The following ANK3 variants were observed in gnomAD, a reference collection of about 807,000 sequenced individuals.
ANK3 encodes ankyrin 3.
In ANK3, 57 loss-of-function variants were observed where a neutral mutation model predicts 370.9. The observed-to-expected ratio is 0.15, with a 90% confidence interval of 0.12 to 0.19. The LOEUF is 0.19. Ranked by LOEUF, ANK3 falls within the 10% of genes least tolerant of loss-of-function variation. The pLI is 1.00. For synonymous variants in ANK3, 1,929 were observed against 1,946.3 expected, an observed-to-expected ratio of 0.99 and a Z score of 0.23; for missense variants, 4,439 against 5,302.1, an observed-to-expected ratio of 0.84 and a Z score of 5.06.
intron 2 of ANK3, among the ~76,000 whole-genome samples, chr10:60,545,410 C>T (rs1224894250): frequency 6.8e-6 from 1 of 146,904 alleles, no homozygotes; most frequent in Admixed American, 6.9e-5. Context: ...AAGGTACTTC[C>T]AGAATTGAAA....
At chr10:60,356,773 A>G (rs368370505) in intron 1 of ANK3, among the ~76,000 whole-genome samples, 2 of 152,048 alleles carry the variant, frequency 1.3e-5, no homozygotes, top group South Asian at 2.1e-4. Flanking sequence ...CAGTGGTGCA[A>G]ACTCAGCTCA....
At chr10:60,129,158 ACC>A in intron 25 of ANK3, among the ~76,000 whole-genome samples, 1 of 152,236 alleles carries the variant, frequency 6.6e-6, no homozygotes, top group African/African-American at 2.4e-5. Context: ...ATGTTGACAT[ACC>A]AATACACACC....
chr10:60,122,427 C>A (rs2093535781), intron 25 of ANK3, among the ~76,000 whole-genome samples: 1 of 152,224 alleles, frequency 6.6e-6, no homozygotes, highest in Non-Finnish European at 1.5e-5. Context: ...TTAGCAGGCC[C>A]ACGTGGCTCA....
chr10:60,106,404 T>G (rs1258243602), intron 27 of ANK3, among the ~76,000 whole-genome samples: 1 of 152,084 alleles, frequency 6.6e-6, no homozygotes, highest in Non-Finnish European at 1.5e-5. Context: ...AAAGACACAA[T>G]AGGTATATTA....
chr10:60,487,783 C>T (rs996956427), intron 2 of ANK3, among the ~76,000 whole-genome samples: 6 of 151,232 alleles, frequency 4.0e-5, no homozygotes, highest in South Asian at 2.1e-4. Flanking sequence ...AGCGCGATCT[C>T]GGCTCACCAC....
chr10:60,697,968 G>A (rs1356483591), intron 1 of ANK3, among the ~76,000 whole-genome samples: 17 of 151,842 alleles, frequency 1.1e-4, no homozygotes, highest in East Asian at 5.8e-4. Flanking sequence ...TGAACAGGCA[G>A]CCTACAAAAT....
At chr10:60,435,627 C>T (rs990235513) in intron 2 of ANK3, among the ~76,000 whole-genome samples, 1 of 152,162 alleles carries the variant, frequency 6.6e-6, no homozygotes. Context: ...CAAAAACACA[C>T]GGACCCAAAA....
chr10:60,409,586 T>C (rs1233217017), intron 2 of ANK3, among the ~76,000 whole-genome samples: 2 of 152,282 alleles, frequency 1.3e-5, no homozygotes, highest in African/African-American at 4.8e-5. Flanking sequence ...GGGCTCCTTC[T>C]GTTTCTGATG....
chr10:60,429,208 T>A (rs1226091666), intron 2 of ANK3, among the ~76,000 whole-genome samples: 1 of 152,214 alleles, frequency 6.6e-6, no homozygotes, highest in Non-Finnish European at 1.5e-5. Flanking sequence ...CAGATCCAAC[T>A]ATTTGACAAT....
chr10:60,445,727 G>T (rs1480108344), intron 2 of ANK3, among the ~76,000 whole-genome samples: 3 of 152,126 alleles, frequency 2.0e-5, no homozygotes, highest in African/African-American at 7.2e-5. Flanking sequence ...CATAAACAGT[G>T]CACCACAGTT....
At chr10:60,255,770 T>C (rs897082339) in intron 7 of ANK3, among the ~76,000 whole-genome samples, 1 of 152,228 alleles carries the variant, frequency 6.6e-6, no homozygotes, top group African/African-American at 2.4e-5. Context: ...CACTAGCTAT[T>C]GAGCACTTAA....
chr10:60,403,587 T>G (rs1205526378), intron 2 of ANK3, among the ~76,000 whole-genome samples: 6 of 152,216 alleles, frequency 3.9e-5, no homozygotes, highest in Non-Finnish European at 7.3e-5. Context: ...AATTTTTATT[T>G]ATTTATTCAT....
At chr10:60,571,708 A>G (rs958383350) in intron 2 of ANK3, among the ~76,000 whole-genome samples, 11 of 152,228 alleles carry the variant, frequency 7.2e-5, no homozygotes, top group African/African-American at 2.4e-4. Flanking sequence ...ATAAATCACA[A>G]TGGATCAAAA....
chr10:60,154,744 G>A (rs2095273610), intron 23 of ANK3, among the ~76,000 whole-genome samples: 1 of 152,138 alleles, frequency 6.6e-6, no homozygotes, highest in Non-Finnish European at 1.5e-5. Context: ...ACAGTGAGCC[G>A]AGATCATGCC....
At position 60,074,140 on chromosome 10, in the gene ANK3, G is replaced by A. The variant is rs2083310915; in HGVS notation, c.6741C>T (p.Thr2247=). The A allele has an allele frequency of 6.8e-6, 11 of 1,613,830 alleles. No individual in the cohort carries two copies. Among genetic ancestry groups the A allele is most frequent in the Non-Finnish European group, 9.3e-6 (11 of 1,179,936 alleles). ...AATGATAAACCATTCTGGTGGTTGT[G>A]GTTATGTGAGTCTCTTCTTTAACAC... is the stretch of plus-strand genomic sequence containing the variant. ...GMRVKEETHI[T]TTTRMVYHSP... The change falls in exon 37 of 44, where the codon ACC becomes ACT. Residue 2247 remains threonine, a synonymous_variant. Transcript: ENST00000280772.
chr10:60,092,871 G>T (rs1311582914), intron 28 of ANK3, among the ~76,000 whole-genome samples: 2 of 152,196 alleles, frequency 1.3e-5, no homozygotes, highest in African/African-American at 4.8e-5. Flanking sequence ...AAGTAGCTGT[G>T]ATTACAGGCG....
intron 2 of ANK3, among the ~76,000 whole-genome samples, chr10:60,403,234 CA>C (rs2132908295): frequency 6.6e-6 from 1 of 152,238 alleles, no homozygotes; most frequent in Admixed American, 6.5e-5. Context: ...GAAAATTCCA[CA>C]CCTATATGGT....
At chr10:60,287,086 G>A (rs549181518) in intron 1 of ANK3, among the ~76,000 whole-genome samples, 5 of 152,222 alleles carry the variant, frequency 3.3e-5, no homozygotes, top group African/African-American at 1.2e-4. Flanking sequence ...ACCATTTGGA[G>A]CCCAGGTTAA....
intron 1 of ANK3, among the ~76,000 whole-genome samples, chr10:60,326,782 G>A (rs2049979759): frequency 6.6e-6 from 1 of 152,110 alleles, no homozygotes; most frequent in African/African-American, 2.4e-5. Flanking sequence ...AGCACTTCAG[G>A]AGGCCGAGGC....
Sources: allele counts gnomAD v4.1 joint callset (sites outside exome capture counted in the v4.1 genomes callset), GRCh38; gene constraint gnomAD v4.1.1; transcripts MANE v1.5; gene names NCBI Gene and HGNC (gene_info 2026-07-23, HGNC 2026-07-21).